Variants in ZBTB7C observed in about 807,000 individuals in gnomAD.
ZBTB7C encodes zinc finger and BTB domain containing 7C, also known as zinc finger and BTB domain-containing protein 7C.
A neutral mutation model predicts 25.7 loss-of-function variants in ZBTB7C; 8 were observed. The observed-to-expected ratio is 0.31, with a 90% CI of 0.18 to 0.56. ZBTB7C has a LOEUF of 0.56. Among genes scored for constraint, ZBTB7C ranks in the 20% least tolerant of loss-of-function variants. The pLI, the probability that ZBTB7C is intolerant of heterozygous loss-of-function variation, is 0.91. For synonymous variants in ZBTB7C, 394 were observed against 369.0 expected, an observed-to-expected ratio of 1.07 and a Z score of -0.78; for missense variants, 824 against 855.2, an observed-to-expected ratio of 0.96 and a Z score of 0.46.
chr18:48,085,140 G>A lies in ZBTB7C; in HGVS notation c.-16-44017C>T, dbSNP rs528994326. Among the ~76,000 whole-genome samples, 3 of 152,264 alleles carry A rather than the reference G, an allele frequency of 2.0e-5. No homozygotes were observed. The South Asian group carries it at 6.2e-4, about 32-fold the overall frequency. Reference sequence around the variant, plus strand: ...TACCTTGAGCCTGGTCCTCTGCTGGGCTTTACGGCAGGGCGGGTGGGGGTA... The same window carrying A: ...TACCTTGAGCCTGGTCCTCTGCTGGACTTTACGGCAGGGCGGGTGGGGGTA... On this transcript the variant is annotated intron_variant, in intron 3 of 4. Coordinates refer to ENST00000590800, the MANE Select transcript of ZBTB7C (RefSeq NM_001318841.2).
At chr18:48,196,682 G>C (rs1274436289) in intron 2 of ZBTB7C, among the ~76,000 whole-genome samples, 1 of 152,048 alleles carries the variant, frequency 6.6e-6, no homozygotes, top group African/African-American at 2.4e-5. Context: ...CTTCCCTTCT[G>C]AAAGTCTTTT....
chr18:48,075,843 A>G (rs969390251), intron 3 of ZBTB7C, among the ~76,000 whole-genome samples: 7 of 152,204 alleles, frequency 4.6e-5, no homozygotes, highest in African/African-American at 1.7e-4. Context: ...CAGAAATCAG[A>G]AACACCAGTT....
In ZBTB7C at chr18:48,377,505, C is replaced by G. The variant is rs555289974; in HGVS notation, c.-304+31721G>C. Among the ~76,000 whole-genome samples the G allele has an allele frequency of 6.6e-5, 10 of 152,330 alleles. No individual in the cohort carries two copies. In the South Asian group the frequency reaches 1.9e-3, roughly 28 times the overall value. ...AACATGTCTGGACAGAGGTAATATT[C>G]AAAATCTTCAACAACTGCTAAGGCC... On this transcript the variant is annotated intron_variant, in intron 1 of 4. Transcript: ENST00000590800.
intron 3 of ZBTB7C, among the ~76,000 whole-genome samples, chr18:48,096,098 G>A (rs1296007072): frequency 6.6e-6 from 1 of 152,150 alleles, no homozygotes; most frequent in Non-Finnish European, 1.5e-5. Context: ...CTGAATACCC[G>A]CCCAGCTCTT....
intron 3 of ZBTB7C, among the ~76,000 whole-genome samples, chr18:48,178,305 G>T (rs1342674833): frequency 7.8e-6 from 1 of 128,838 alleles, no homozygotes; most frequent in African/African-American, 2.8e-5. Flanking sequence ...CTCAGGGAGG[G>T]CATCTCAGGG....
chr18:48,033,894 GC>G (rs972730330), intron 4 of ZBTB7C, among the ~76,000 whole-genome samples: 55 of 152,238 alleles, frequency 3.6e-4, no homozygotes, highest in African/African-American at 1.3e-3. Flanking sequence ...CCTGGTCTGG[GC>G]CTTAGTTTCC....
rs77066599 is a variant in ZBTB7C at position 48,204,148 on chromosome 18, C to T, written c.-78-18153G>A. Among the ~76,000 whole-genome samples, 707 of 152,304 alleles carry T rather than the reference C, an allele frequency of 4.6e-3. 6 individuals carry two copies. Among genetic ancestry groups the T allele is most frequent in the African/African-American group, 0.016 (675 of 41,546 alleles). Reference sequence around the variant, plus strand: ...ACCTCTGATTTATACCTTGGCCACTCCATCAGGTCACACTGCTTGCGGTGG... The same window carrying T: ...ACCTCTGATTTATACCTTGGCCACTTCATCAGGTCACACTGCTTGCGGTGG... On this transcript the variant is annotated intron_variant, in intron 2 of 4. Coordinates refer to ENST00000590800, the MANE Select transcript of ZBTB7C (RefSeq NM_001318841.2).
At chr18:48,086,622 C>T (rs1361763425) in intron 3 of ZBTB7C, among the ~76,000 whole-genome samples, 1 of 152,224 alleles carries the variant, frequency 6.6e-6, no homozygotes, top group African/African-American at 2.4e-5. Context: ...AGAGTACCGC[C>T]TGTTCAGGGA....
intron 3 of ZBTB7C, among the ~76,000 whole-genome samples, chr18:48,117,413 C>A (rs1045355698): frequency 6.6e-6 from 1 of 152,122 alleles, no homozygotes; most frequent in Non-Finnish European, 1.5e-5. Flanking sequence ...CAGTTCCTGC[C>A]ATACTGAGAG....
Position 48,229,710 on chromosome 18 carries a change from G to C in ZBTB7C, c.-78-43715C>G, listed in dbSNP as rs1007133832. 3.3e-5 allele frequency among the ~76,000 whole-genome samples: 5 copies of C among 152,298 alleles called. No homozygotes were observed. In the South Asian group the frequency reaches 1.0e-3, roughly 32 times the overall value. ...GTTGGAACAAATTGAGGAATAATCA[G>C]CTCTGTTGGCGGGAATTGTCGAAGA... On this transcript the variant is annotated intron_variant, in intron 2 of 4. Transcript: ENST00000590800.
intron 2 of ZBTB7C, among the ~76,000 whole-genome samples, chr18:48,282,384 C>A (rs1378450055): frequency 6.6e-6 from 1 of 150,988 alleles, no homozygotes; most frequent in African/African-American, 2.4e-5. Flanking sequence ...ATGGGTGCAG[C>A]AAACCAACAT....
intron 2 of ZBTB7C, among the ~76,000 whole-genome samples, chr18:48,324,375 G>C (rs997709145): frequency 6.6e-6 from 1 of 152,130 alleles, no homozygotes; most frequent in African/African-American, 2.4e-5. Context: ...GCCAGGATCT[G>C]GGGTTCAGGT....
At chr18:48,388,798 G>C (rs1386453783) in intron 1 of ZBTB7C, among the ~76,000 whole-genome samples, 3 of 152,210 alleles carry the variant, frequency 2.0e-5, no homozygotes, top group Admixed American at 2.0e-4. Context: ...TATCACAGAA[G>C]TTGGAGCTGG....
intron 2 of ZBTB7C, among the ~76,000 whole-genome samples, chr18:48,295,200 C>G (rs1044465977): frequency 6.6e-6 from 1 of 152,196 alleles, no homozygotes; most frequent in African/African-American, 2.4e-5. Context: ...CCCAGCCATG[C>G]CCCGGAGTCT....
At chr18:48,057,842 A>C (rs1029774088) in intron 3 of ZBTB7C, among the ~76,000 whole-genome samples, 4 of 152,170 alleles carry the variant, frequency 2.6e-5, no homozygotes, top group Non-Finnish European at 5.9e-5. Context: ...CAAGGGAGAA[A>C]TGGATGAAAA....
chr18:48,060,493 C>T (rs1183322376), intron 3 of ZBTB7C, among the ~76,000 whole-genome samples: 1 of 152,092 alleles, frequency 6.6e-6, no homozygotes, highest in Non-Finnish European at 1.5e-5. Flanking sequence ...CTCCTGCCTG[C>T]CTCCTGCTGG....
intron 2 of ZBTB7C, among the ~76,000 whole-genome samples, chr18:48,269,953 ATGT>A (rs2044425618): frequency 1.3e-5 from 2 of 152,336 alleles, no homozygotes; most frequent in South Asian, 4.1e-4. Context: ...AAGCCAGCTA[ATGT>A]TGTTACAACG....
chr18:48,289,472 C>G (rs2045155656), intron 2 of ZBTB7C, among the ~76,000 whole-genome samples: 1 of 151,362 alleles, frequency 6.6e-6, no homozygotes, highest in Non-Finnish European at 1.5e-5. Context: ...CAAAGAAAAC[C>G]AAACATCTAC....
chr18:48,304,666 C>T (rs1365882031), intron 2 of ZBTB7C, among the ~76,000 whole-genome samples: 3 of 151,832 alleles, frequency 2.0e-5, no homozygotes, highest in African/African-American at 4.8e-5. Context: ...CACAGTGAGA[C>T]TCCGTCTCAG....
Sources: gnomAD v4.1 joint callset for allele counts (sites outside exome capture counted in the v4.1 genomes callset) on GRCh38, gnomAD v4.1.1 for gene constraint, MANE v1.5 for transcripts, NCBI Gene and HGNC (gene_info 2026-07-23, HGNC 2026-07-21) for gene names.